RBMS1: variants seen among roughly 807,000 people sequenced by gnomAD.
RBMS1 encodes RNA-binding motif, single-stranded-interacting protein 1.
RBMS1 carries 17 observed loss-of-function variants against 62.3 expected under a neutral mutation model. The observed-to-expected ratio is 0.27, with a 90% CI of 0.19 to 0.41. The LOEUF (loss-of-function observed/expected upper bound fraction) is 0.41. Among genes scored for constraint, RBMS1 ranks in the 10% least tolerant of loss-of-function variants. The pLI, the probability that RBMS1 is intolerant of heterozygous loss-of-function variation, is 1.00. For synonymous variants in RBMS1, 172 were observed against 170.0 expected (o/e 1.01, Z -0.09); for missense variants, 334 against 504.5 (o/e 0.66, Z 3.24).
At chr2:160,297,140 T>C (rs1279872061) in intron 6 of RBMS1, among the ~76,000 whole-genome samples, 3 of 152,288 alleles carry the variant, frequency 2.0e-5, no homozygotes, top group Middle Eastern at 3.4e-3. Context: ...GGGATACAGA[T>C]TGGGAAGTAG....
intron 1 of RBMS1, among the ~76,000 whole-genome samples, chr2:160,392,413 G>C (rs930180342): frequency 6.6e-6 from 1 of 150,964 alleles, no homozygotes; most frequent in Admixed American, 6.6e-5. Context: ...TTGTGACAGA[G>C]ACCTTATGGC....
chr2:160,371,452 T>C (rs1269924080), intron 1 of RBMS1, among the ~76,000 whole-genome samples: 1 of 152,192 alleles, frequency 6.6e-6, no homozygotes, highest in African/African-American at 2.4e-5. Flanking sequence ...CAAAAGAGCC[T>C]AGTAGTCTCT....
At chr2:160,404,577 A>T (rs1559510859) in intron 1 of RBMS1, among the ~76,000 whole-genome samples, 1 of 152,258 alleles carries the variant, frequency 6.6e-6, no homozygotes, top group Non-Finnish European at 1.5e-5. Flanking sequence ...GAAGATGTAC[A>T]TAGGTTATAT....
chr2:160,407,294 G>C (rs1695784321), intron 1 of RBMS1, among the ~76,000 whole-genome samples: 1 of 152,108 alleles, frequency 6.6e-6, no homozygotes, highest in Admixed American at 6.5e-5. Flanking sequence ...GGCGGCGAGG[G>C]CATCTCCCCT....
intron 1 of RBMS1, among the ~76,000 whole-genome samples, chr2:160,405,973 G>A (rs988002166): frequency 5.9e-5 from 9 of 152,234 alleles, no homozygotes; most frequent in Non-Finnish European, 1.3e-4. Context: ...TGAAGTTGAT[G>A]TAAGTGTACT....
intron 4 of RBMS1, among the ~76,000 whole-genome samples, chr2:160,307,797 C>G (rs944312592): frequency 1.3e-5 from 2 of 152,220 alleles, no homozygotes; most frequent in African/African-American, 4.8e-5. Flanking sequence ...ATGGCAGGTA[C>G]CAGACAAAGC....
intron 1 of RBMS1, among the ~76,000 whole-genome samples, chr2:160,383,115 A>G (rs1316900225): frequency 6.6e-6 from 1 of 152,230 alleles, no homozygotes; most frequent in East Asian, 1.9e-4. Flanking sequence ...GTAGATTAAA[A>G]CAACAGAAAT....
At position 160,344,542 on chromosome 2, in the gene RBMS1, T is replaced by C. The variant is rs75465043; in HGVS notation, c.251+22674A>G. On this transcript the variant is annotated intron_variant, in intron 2 of 13. Transcript: ENST00000348849. ...ACTTTAGTCTACGACTCCAACAGTA[T>C]ATGGAAACACCAATGGTTTCTATAA... Among the ~76,000 whole-genome samples, 821 of 152,302 alleles carry C rather than the reference T, an allele frequency of 5.4e-3. 9 individuals are homozygous for C. Among genetic ancestry groups the C allele is most frequent in the South Asian group, 0.017 (82 of 4,830 alleles).
intron 12 of RBMS1, among the ~76,000 whole-genome samples, chr2:160,276,416 A>G (rs552548089): frequency 6.1e-4 from 92 of 151,268 alleles, no homozygotes; most frequent in South Asian, 1.9e-3. Flanking sequence ...CACCACCACC[A>G]CCACCTCCAC....
chr2:160,361,494 G>A (rs1180588317), intron 2 of RBMS1, among the ~76,000 whole-genome samples: 1 of 152,242 alleles, frequency 6.6e-6, no homozygotes, highest in East Asian at 1.9e-4. Flanking sequence ...CAGAGACATT[G>A]CAGGTTTGGT....
intron 4 of RBMS1, among the ~76,000 whole-genome samples, chr2:160,307,865 C>A (rs1689624703): frequency 6.6e-6 from 1 of 152,146 alleles, no homozygotes; most frequent in Non-Finnish European, 1.5e-5. Context: ...TCTCATTTTG[C>A]AGTTTTGCAA....
intron 2 of RBMS1, among the ~76,000 whole-genome samples, chr2:160,338,307 T>C (rs191613124): frequency 1.1e-4 from 16 of 152,312 alleles, no homozygotes; most frequent in Admixed American, 3.9e-4. Context: ...CACAAATCTT[T>C]ATAAAATATG....
intron 1 of RBMS1, among the ~76,000 whole-genome samples, chr2:160,448,781 T>TGCCCAGCC (rs1683794506): frequency 6.7e-6 from 1 of 148,372 alleles, no homozygotes. Context: ...GGAGCCCCTC[T>TGCCCAGCC]GCCCAGCCAC....
At chr2:160,481,418 G>A (rs1685367653) in intron 1 of RBMS1, among the ~76,000 whole-genome samples, 1 of 146,654 alleles carries the variant, frequency 6.8e-6, no homozygotes, top group Admixed American at 6.8e-5. Flanking sequence ...AAACAGACAC[G>A]AAAAGCAATT....
At chr2:160,353,858 A>G (rs1692652871) in intron 2 of RBMS1, among the ~76,000 whole-genome samples, 1 of 152,136 alleles carries the variant, frequency 6.6e-6, no homozygotes, top group South Asian at 2.1e-4. Context: ...AGTAACATTA[A>G]TACATGCCAA....
chr2:160,370,305 C>T (rs979929887), intron 1 of RBMS1, among the ~76,000 whole-genome samples: 1 of 152,140 alleles, frequency 6.6e-6, no homozygotes, highest in Admixed American at 6.5e-5. Context: ...TTTTCTGGTG[C>T]AGAAATTTTT....
At chr2:160,402,980 G>A (rs1695514849) in intron 1 of RBMS1, among the ~76,000 whole-genome samples, 2 of 152,064 alleles carry the variant, frequency 1.3e-5, no homozygotes, top group Admixed American at 1.3e-4. Context: ...TATATGGTGA[G>A]CCCAGTTGAC....
rs185166736 is a variant in RBMS1, at chr2:160,289,197, A to T, written c.641-2113T>A. Among the ~76,000 whole-genome samples the T allele has an allele frequency of 1.5e-3, 225 of 152,358 alleles. 1 individual carries two copies. Among genetic ancestry groups the T allele is most frequent in the Middle Eastern group, 6.8e-3 (2 of 294 alleles). ...ATCAAGGGAGTGATGACATGTTTGC[A>T]ATTAGATCATTTAAAATAAACAAAT... On this transcript the variant is annotated intron_variant, in intron 6 of 13. Coordinates refer to ENST00000348849, the MANE Select transcript of RBMS1 (RefSeq NM_016836.4).
At chr2:160,300,625 G>A (rs111378048) in intron 6 of RBMS1, 26 bp downstream of exon 6, 1 of 1,578,230 alleles carries the variant, frequency 6.3e-7, no homozygotes, top group Non-Finnish European at 8.6e-7. Flanking sequence ...GAAGACTACT[G>A]ATGAAGTTTC....
Sources: gnomAD v4.1 joint callset for allele counts (sites outside exome capture counted in the v4.1 genomes callset) on GRCh38, gnomAD v4.1.1 for gene constraint, MANE v1.5 for transcripts, NCBI Gene and HGNC (gene_info 2026-07-23, HGNC 2026-07-21) for gene names.